GCSH: variants seen among roughly 807,000 people sequenced by gnomAD.
The protein encoded by GCSH is glycine cleavage system H protein, mitochondrial.
A neutral mutation model predicts 21.3 loss-of-function variants in GCSH; 15 were observed. That is an observed-to-expected ratio of 0.70 (90% CI 0.47 to 1.08). The LOEUF (loss-of-function observed/expected upper bound fraction) is 1.08. GCSH is among the 50% of genes least tolerant of loss of function. The probability of loss-of-function intolerance (pLI) is 0.00; values close to 1 mark genes in which losing one functional copy is unlikely to be tolerated. For missense variants in GCSH, 179 were observed against 217.5 expected, an observed-to-expected ratio of 0.82 and a Z score of 1.11; for synonymous variants, 59 against 84.5, an observed-to-expected ratio of 0.70 and a Z score of 1.66.
Position 81,082,016 on chromosome 16 carries a change from TAAC to T in GCSH, c.*847_*849del, listed in dbSNP as rs35387568. 0.1 allele frequency: 45,478 copies of T among 453,826 alleles called. 2,625 individuals are homozygous for T. Among genetic ancestry groups the T allele is most frequent in the East Asian group, 0.21 (2,970 of 14,386 alleles). 28.1% of individuals were successfully genotyped at this position (453,826 alleles called of 1,614,324 possible). A position where few individuals can be genotyped will look rare whatever the true frequency, so the allele number is the denominator to read the frequency against. On this transcript the variant is annotated 3_prime_UTR_variant, in exon 5 of 5. Transcript: ENST00000315467. ...CTTAAGTGGAAACCTGAACGTGGTT[TAAC>T]AACTTAAAAACACCATGTGCTATAC...
In GCSH at chr16:81,084,487, C is replaced by T. The variant is rs766903708; in HGVS notation, c.400G>A (p.Val134Ile). Residue 134 changes from valine (V) to isoleucine (I), a missense_variant, in exon 4 of 5, where the codon GTA (valine) becomes ATA (isoleucine). Transcript: ENST00000315467. ...NEALAENPGL[V>I]NKSCYEDGWL... ...CCATCTTCATAACAAGATTTGTTTA[C>T]AAGTCCTGGATTTTCTGCAAGAGCT... 11 of 1,610,868 alleles carry T rather than the reference C, an allele frequency of 6.8e-6. No homozygotes were observed. Among genetic ancestry groups the T allele is most frequent in the Non-Finnish European group, 9.3e-6 (11 of 1,177,214 alleles).
intron 1 of GCSH, among the ~76,000 whole-genome samples, chr16:81,092,137 C>CTTTA (rs1466719144): frequency 6.6e-6 from 1 of 152,112 alleles, no homozygotes; most frequent in Non-Finnish European, 1.5e-5. Flanking sequence ...TCCCTACCAT[C>CTTTA]TTTACTAACT....
chr16:81,087,496 C>CAAA, intron 3 of GCSH, 105 bp downstream of exon 3: 5 of 719,274 alleles, frequency 7.0e-6, no homozygotes, highest in East Asian at 3.0e-5. Flanking sequence ...AGACTGTCTC[C>CAAA]AAAAAAAAAA....
At chr16:81,086,651 G>A (rs1190042223) in intron 3 of GCSH, among the ~76,000 whole-genome samples, 4 of 152,024 alleles carry the variant, frequency 2.6e-5, no homozygotes, top group East Asian at 1.9e-4. Flanking sequence ...GTGATATGAC[G>A]AACATGTCTC....
At position 81,084,537 on chromosome 16, in the gene GCSH, G is replaced by T. The variant is rs1326907053; in HGVS notation, c.350C>A (p.Ser117Ter). The change falls in exon 4 of 5, where the codon TCA (serine) becomes TAA (stop). Residue 117 changes from serine (S) to a stop codon, truncating the protein, a stop_gained. Coordinates refer to ENST00000315467, the MANE Select transcript of GCSH (RefSeq NM_004483.5). LOFTEE classifies it high-confidence loss of function. ...KAASELYSPL[S>*]GEVTEINEAL... ...TTCATTAATTTCAGTTACTTCTCCTGATAAAGGAGAATAGAGTTCACTAGC... is the reference window on the plus strand; with the variant it reads ...TTCATTAATTTCAGTTACTTCTCCTTATAAAGGAGAATAGAGTTCACTAGC... The T allele has an allele frequency of 1.9e-6, 3 of 1,579,982 alleles. No individual in the cohort carries two copies. Among genetic ancestry groups the T allele is most frequent in the Admixed American group, 3.3e-5 (2 of 59,916 alleles).
intron 1 of GCSH, among the ~76,000 whole-genome samples, chr16:81,092,434 T>C (rs958985553): frequency 1.1e-4 from 16 of 152,152 alleles, no homozygotes; most frequent in Non-Finnish European, 1.6e-4. Flanking sequence ...AATAATTTTT[T>C]TTTTCCTTAA....
In GCSH at chr16:81,082,386, C is replaced by A. The variant is rs1972183853; in HGVS notation, c.*480G>T. On this transcript the variant is annotated 3_prime_UTR_variant, in exon 5 of 5. Transcript: ENST00000315467. ...GTTGCTTCACTGTATAAAAATAGCACCAGCAAATGCAGTGTATCGCAAAAT... is the reference window on the plus strand; with the variant it reads ...GTTGCTTCACTGTATAAAAATAGCAACAGCAAATGCAGTGTATCGCAAAAT... 7.8e-6 allele frequency: 3 copies of A among 382,704 alleles called. No individual in the cohort carries two copies. The highest frequency in any genetic ancestry group is 1.0e-5 in the Non-Finnish European group (2 of 197,124). 23.7% of individuals were successfully genotyped at this position (382,704 alleles called of 1,614,324 possible). A position where few individuals can be genotyped will look rare whatever the true frequency, so the allele number is the denominator to read the frequency against.
At chr16:81,091,333 C>T in intron 1 of GCSH, 1 of 334,416 alleles carries the variant, frequency 3.0e-6, no homozygotes, top group South Asian at 2.4e-5. Context: ...AAGATCACAA[C>T]TCAACAGTCT....
At chr16:81,090,721 A>T in intron 1 of GCSH, 41 bp from the exon 2 acceptor site, 4 of 1,371,502 alleles carry the variant, frequency 2.9e-6, no homozygotes, top group Non-Finnish European at 4.2e-6. Flanking sequence ...CAGTAGCATT[A>T]CTTCTTAAGA....
Position 81,082,834 on chromosome 16 carries a change from A to G in GCSH, c.*32T>C, listed in dbSNP as rs750827501. On this transcript the variant is annotated 3_prime_UTR_variant, in exon 5 of 5. Coordinates refer to ENST00000315467, the MANE Select transcript of GCSH (RefSeq NM_004483.5). ...TAAGACAACTCTGCTGGCTTGCGTTATTTCATACTAGTTTATTTAGGAGTT... is the reference window on the plus strand; with the variant it reads ...TAAGACAACTCTGCTGGCTTGCGTTGTTTCATACTAGTTTATTTAGGAGTT... The G allele has an allele frequency of 1.1e-6, 1 of 945,574 alleles. No homozygotes were observed. 58.6% of individuals were successfully genotyped at this position (945,574 alleles called of 1,614,324 possible).
intron 1 of GCSH, among the ~76,000 whole-genome samples, chr16:81,091,816 G>A (rs922235562): frequency 2.0e-5 from 3 of 151,722 alleles, no homozygotes; most frequent in Non-Finnish European, 2.9e-5. Flanking sequence ...GAGATGGGGG[G>A]GTCTATGTTG....
rs8177865 is a variant in GCSH, at chr16:81,091,478, G to A, written c.149-798C>T. On this transcript the variant is annotated intron_variant, in intron 1 of 4. Transcript: ENST00000315467. ...TTCAGGGAATCCTGAAAGAAGGACC[G>A]GCCAATGTTCAAGAGTAAAAAGAGT... Among the ~76,000 whole-genome samples, 486 of 152,226 alleles carry A rather than the reference G, an allele frequency of 3.2e-3. 2 individuals are homozygous for A. Among genetic ancestry groups the A allele is most frequent in the African/African-American group, 0.011 (461 of 41,554 alleles).
At chr16:81,085,806 G>A (rs1389344112) in intron 3 of GCSH, among the ~76,000 whole-genome samples, 1 of 152,150 alleles carries the variant, frequency 6.6e-6, no homozygotes, top group African/African-American at 2.4e-5. Context: ...GTTGCAGTGA[G>A]CCGAGACCAT....
chr16:81,094,635 T>C (rs1302745451), intron 1 of GCSH, among the ~76,000 whole-genome samples: 1 of 152,188 alleles, frequency 6.6e-6, no homozygotes, highest in African/African-American at 2.4e-5. Flanking sequence ...GACAGACTAT[T>C]AGCAAGACAG....
intron 2 of GCSH, 115 bp from the exon 3 acceptor site, chr16:81,087,779 T>C (rs757796852): frequency 1.3e-6 from 1 of 754,596 alleles, no homozygotes; most frequent in Non-Finnish European, 2.3e-6. Context: ...ATATATTTTA[T>C]ACTGGAGGGG....
chr16:81,094,808 A>G (rs1009822587), intron 1 of GCSH, among the ~76,000 whole-genome samples: 3 of 152,172 alleles, frequency 2.0e-5, no homozygotes, highest in African/African-American at 7.2e-5. Context: ...GCGTAAAGAA[A>G]ATTGTTGGCC....
At chr16:81,090,743 T>C in intron 1 of GCSH, 63 bp from the exon 2 acceptor site, 1 of 1,125,110 alleles carries the variant, frequency 8.9e-7, no homozygotes, top group Non-Finnish European at 1.4e-6. Context: ...GCACTTTTCA[T>C]TACCATTGCT....
chr16:81,093,062 G>A (rs1972428542), intron 1 of GCSH, among the ~76,000 whole-genome samples: 1 of 151,390 alleles, frequency 6.6e-6, no homozygotes. Context: ...AACCTGGGAG[G>A]CGGAGATTCC....
rs1334322674 is a variant in GCSH at position 81,081,959 on chromosome 16, G to A, written c.*907C>T. ...AGAGTCCATTATCTGAGCTCATAAA[G>A]CTTCAGTCCTTGTCCACTTTTATTC... is the stretch of plus-strand genomic sequence containing the variant. On this transcript the variant is annotated 3_prime_UTR_variant, in exon 5 of 5. Transcript: ENST00000315467. 3 of 447,418 alleles carry A rather than the reference G, an allele frequency of 6.7e-6. No individual in the cohort carries two copies. Among genetic ancestry groups the A allele is most frequent in the Non-Finnish European group, 4.5e-6 (1 of 222,334 alleles). The allele number at this position is 447,418 out of a possible 1,614,324, so 27.7% of individuals were successfully genotyped here. A position where few individuals can be genotyped will look rare whatever the true frequency, so the allele number is the denominator to read the frequency against.
Sources: gnomAD v4.1 joint callset for allele counts (sites outside exome capture counted in the v4.1 genomes callset) on GRCh38, gnomAD v4.1.1 for gene constraint, MANE v1.5 for transcripts, NCBI Gene and HGNC (gene_info 2026-07-23, HGNC 2026-07-21) for gene names.